The following PKM variants were observed in gnomAD, a reference collection of about 807,000 sequenced individuals.
The protein encoded by PKM is pyruvate kinase M1/2.
PKM carries 18 observed loss-of-function variants against 49.8 expected under a neutral mutation model. The observed-to-expected ratio is 0.36, with a 90% CI of 0.25 to 0.54. The LOEUF (loss-of-function observed/expected upper bound fraction) is 0.54, where lower values mean the gene tolerates loss of function less well. PKM is among the 20% of genes least tolerant of loss of function. PKM has a pLI of 0.89. For synonymous variants in PKM, 239 were observed against 261.8 expected (o/e 0.91, Z 0.84); for missense variants, 508 against 713.8 (o/e 0.71, Z 3.28).
chr15:72,227,384 A>G (rs2082701348), intron 1 of PKM, among the ~76,000 whole-genome samples: 1 of 152,174 alleles, frequency 6.6e-6, no homozygotes, highest in Non-Finnish European at 1.5e-5. Context: ...CAAATGAGTC[A>G]TTTTCCTCTA....
At chr15:72,213,776 T>C (rs948394512) in intron 3 of PKM, among the ~76,000 whole-genome samples, 4 of 152,262 alleles carry the variant, frequency 2.6e-5, no homozygotes, top group Admixed American at 6.5e-5. Flanking sequence ...TCATATTTTC[T>C]ATCTTTTGGA....
chr15:72,205,887 A>G (rs28658414), intron 8 of PKM, among the ~76,000 whole-genome samples: 1 of 152,038 alleles, frequency 6.6e-6, no homozygotes, highest in Non-Finnish European at 1.5e-5. Flanking sequence ...TTAGCTCCAG[A>G]GCTGGAACAG....
Position 72,218,945 on chromosome 15 carries a change from A to G in PKM, c.153T>C (p.Ile51=), listed in dbSNP as rs376598046. ...GGGGGAAGGGGCACACCCACTCACC[A>G]ATGGTACAGATGATGCCAGTGTTCC... ...TARNTGIICT[I]GPASRSVETL... The change falls in exon 2 of 11, where the codon ATT becomes ATC. Residue 51 remains isoleucine (I), a splice_region_variant and synonymous_variant. Coordinates refer to ENST00000335181, the MANE Select transcript of PKM (RefSeq NM_002654.6). The G allele has an allele frequency of 1.2e-6, 2 of 1,614,042 alleles. No individual in the cohort carries two copies. Among genetic ancestry groups the G allele is most frequent in the African/African-American group, 1.3e-5 (1 of 74,904 alleles).
chr15:72,210,448 T>C lies in PKM; in HGVS notation c.277A>G (p.Thr93Ala). 1 of 1,614,174 alleles carries C rather than the reference T, an allele frequency of 6.2e-7. No individual in the cohort carries two copies. The highest frequency in any genetic ancestry group is 1.1e-5 in the South Asian group (1 of 91,088). ...TCAGAAGCAAAGCTTTCCGTGGCTG[T>C]GCGCACATTCTTGATGGTCTCCGCA... Reference protein sequence around the residue: ...YHAETIKNVRTATESFASDPI... With the variant: ...YHAETIKNVRAATESFASDPI... The change falls in exon 4 of 11, where the codon ACA (threonine) becomes GCA (alanine). Residue 93 changes from threonine (T) to alanine (A), a missense_variant. Coordinates refer to ENST00000335181, the MANE Select transcript of PKM (RefSeq NM_002654.6).
chr15:72,207,031 G>A (rs368223951), intron 7 of PKM, 96 bp downstream of exon 7: 21 of 1,531,248 alleles, frequency 1.4e-5, no homozygotes, highest in African/African-American at 1.4e-4. Flanking sequence ...TGTTACGTGC[G>A]ACAATTCCAT....
chr15:72,208,434 CAAA>C, intron 6 of PKM, among the ~76,000 whole-genome samples, 184 bp downstream of exon 6: 1 of 151,096 alleles, frequency 6.6e-6, no homozygotes, highest in Middle Eastern at 3.4e-3. Flanking sequence ...TTAAAAAAAA[CAAA>C]AAAACAAAAA....
chr15:72,228,734 C>T lies in PKM; in HGVS notation c.-14+2382G>A, dbSNP rs548002905. 6 of 664,478 alleles carry T rather than the reference C, an allele frequency of 9.0e-6. No individual in the cohort carries two copies. In the Admixed American group the frequency reaches 1.6e-4, roughly 18 times the overall value. The allele number at this position is 664,478 out of a possible 1,614,324, so 41.2% of individuals were successfully genotyped here. ...CACAGCACCTCAGGCCACCAAAGGGCAAATTATTTGCTAACAACGCTGCAG... is the reference window on the plus strand; with the variant it reads ...CACAGCACCTCAGGCCACCAAAGGGTAAATTATTTGCTAACAACGCTGCAG... On this transcript the variant is annotated intron_variant, in intron 1 of 10. Coordinates refer to ENST00000335181, the MANE Select transcript of PKM (RefSeq NM_002654.6).
At chr15:72,229,922 A>AG (rs973206206) in intron 1 of PKM, among the ~76,000 whole-genome samples, 12 of 98,730 alleles carry the variant, frequency 1.2e-4, no homozygotes, top group African/African-American at 4.0e-4. Flanking sequence ...AAAAAAAAAA[A>AG]AAAGAAAGAA....
chr15:72,211,483 T>G (rs560453648), intron 3 of PKM, among the ~76,000 whole-genome samples: 6 of 152,268 alleles, frequency 3.9e-5, no homozygotes, highest in African/African-American at 1.4e-4. Context: ...TCTTTTTTCT[T>G]AAGCCTTTCC....
intron 9 of PKM, chr15:72,201,709 G>C (rs1222127491): frequency 6.5e-6 from 1 of 153,240 alleles, no homozygotes; most frequent in African/African-American, 2.4e-5. Context: ...CATCTGCACA[G>C]AGCTTGTGTC....
intron 8 of PKM, chr15:72,203,236 A>G (rs374499562): frequency 8.3e-5 from 127 of 1,534,106 alleles, no homozygotes; most frequent in Middle Eastern, 4.3e-4. Context: ...AAGGAGGAGG[A>G]AAAAAACGAG....
At position 72,199,559 on chromosome 15, in the gene PKM, C is replaced by T. The variant is rs758125349; in HGVS notation, c.*91G>A. The T allele has an allele frequency of 1.1e-6, 1 of 881,062 alleles. No individual in the cohort carries two copies. Among genetic ancestry groups the T allele is most frequent in the Non-Finnish European group, 1.9e-6 (1 of 525,300 alleles). 54.6% of individuals were successfully genotyped at this position (881,062 alleles called of 1,614,324 possible). On this transcript the variant is annotated 3_prime_UTR_variant, in exon 11 of 11. Transcript: ENST00000335181. ...CCAACCTACCAGTGCCACGTTACAG[C>T]CCAGAGTGAGTTCTACAAGCGTTGC...
chr15:72,201,024 G>A (rs1029841444), intron 9 of PKM: 20 of 207,384 alleles, frequency 9.6e-5, no homozygotes, highest in Admixed American at 7.4e-4. Flanking sequence ...CATTCCTCTC[G>A]CTGCCAATGA....
At chr15:72,220,290 C>T (rs543289352) in intron 1 of PKM, among the ~76,000 whole-genome samples, 6 of 152,310 alleles carry the variant, frequency 3.9e-5, no homozygotes, top group African/African-American at 1.4e-4. Flanking sequence ...TTTAGCCCTT[C>T]CCCACCTCAT....
At chr15:72,221,325 T>A in intron 1 of PKM, 2 of 1,250,450 alleles carry the variant, frequency 1.6e-6, no homozygotes, top group Non-Finnish European at 2.2e-6. Flanking sequence ...TAACTAAAGC[T>A]CTTTGGGGTA....
At chr15:72,215,659 G>A (rs1051931610) in intron 3 of PKM, among the ~76,000 whole-genome samples, 2 of 152,064 alleles carry the variant, frequency 1.3e-5, no homozygotes, top group Non-Finnish European at 2.9e-5. Flanking sequence ...GGTATCACTC[G>A]CCCTTGCCAT....
At chr15:72,220,116 A>T (rs1424708385) in intron 1 of PKM, among the ~76,000 whole-genome samples, 1 of 152,200 alleles carries the variant, frequency 6.6e-6, no homozygotes, top group Non-Finnish European at 1.5e-5. Context: ...TGTGAACCAG[A>T]CCAGGCAGTG....
intron 1 of PKM, among the ~76,000 whole-genome samples, chr15:72,230,257 G>T (rs1596819886): frequency 1.3e-5 from 2 of 152,284 alleles, no homozygotes; most frequent in Admixed American, 1.3e-4. Context: ...TCCCGGCAGC[G>T]GGGCAGGCCA....
Position 72,231,108 on chromosome 15 carries a change from C to G in PKM, c.-14+8G>C. The G allele has an allele frequency of 2.6e-6, 1 of 386,712 alleles. No homozygotes were observed. The highest frequency in any genetic ancestry group is 4.9e-6 in the Non-Finnish European group (1 of 204,468). 24.0% of individuals were successfully genotyped at this position (386,712 alleles called of 1,614,324 possible). ...GGGACTGATGGCGTAGCCTCCTGCA[C>G]CGCTCACCTCCGGCGCTGACCGACT... On this transcript the variant is annotated splice_region_variant and intron_variant, in intron 1 of 10. Coordinates refer to ENST00000335181, the MANE Select transcript of PKM (RefSeq NM_002654.6).
Sources: gnomAD v4.1 joint callset for allele counts (sites outside exome capture counted in the v4.1 genomes callset) on GRCh38, gnomAD v4.1.1 for gene constraint, MANE v1.5 for transcripts, NCBI Gene and HGNC (gene_info 2026-07-23, HGNC 2026-07-21) for gene names.